Variants in FGGY observed in about 807,000 individuals in gnomAD.
The protein encoded by FGGY is FGGY carbohydrate kinase domain containing.
A neutral mutation model predicts 71.3 loss-of-function variants in FGGY; 72 were observed. That is an observed-to-expected ratio of 1.01 (90% CI 0.84 to 1.23). The LOEUF (loss-of-function observed/expected upper bound fraction) is 1.23. FGGY is among the 50% of genes most tolerant of loss of function. The pLI, the probability that FGGY is intolerant of heterozygous loss-of-function variation, is 0.00. For synonymous variants in FGGY, 251 were observed against 250.3 expected (o/e 1.00, Z -0.02); for missense variants, 668 against 682.3 (o/e 0.98, Z 0.23).
chr1:59,319,903 C>T (rs186986533), intron 1 of FGGY, among the ~76,000 whole-genome samples: 65 of 152,216 alleles, frequency 4.3e-4, no homozygotes, highest in Admixed American at 1.4e-3. Context: ...GGGGCAAGGG[C>T]GATCTTTGCT....
intron 8 of FGGY, among the ~76,000 whole-genome samples, chr1:59,573,235 T>G (rs1399558725): frequency 6.6e-6 from 1 of 152,192 alleles, no homozygotes; most frequent in East Asian, 1.9e-4. Flanking sequence ...GGACATTTAG[T>G]GGATAATAGA....
intron 5 of FGGY, among the ~76,000 whole-genome samples, chr1:59,452,132 T>C (rs2072893012): frequency 6.6e-6 from 1 of 151,864 alleles, no homozygotes; most frequent in South Asian, 2.1e-4. Context: ...AAATCTGTTC[T>C]GGAATTTCTG....
At position 59,443,552 on chromosome 1, in the gene FGGY, T is replaced by G. The variant is rs565247684; in HGVS notation, c.555-13409T>G. On this transcript the variant is annotated intron_variant, in intron 5 of 15. Transcript: ENST00000303721. ...CCGATTATGCACACTTTAGATAACT[T>G]TGGGTCAGCTCAGTACTGAACAAAT... 3.0e-4 allele frequency among the ~76,000 whole-genome samples: 45 copies of G among 152,116 alleles called. 1 individual carries two copies. Among genetic ancestry groups the G allele is most frequent in the Admixed American group, 9.8e-4 (15 of 15,270 alleles).
chr1:59,703,279 G>T (rs1011920816), intron 14 of FGGY, among the ~76,000 whole-genome samples: 1 of 152,138 alleles, frequency 6.6e-6, no homozygotes, highest in East Asian at 1.9e-4. Flanking sequence ...GTGCTGAGGG[G>T]TTTTGTCCAG....
chr1:59,567,789 C>G (rs1279691671), intron 8 of FGGY, among the ~76,000 whole-genome samples: 1 of 151,398 alleles, frequency 6.6e-6, no homozygotes, highest in Non-Finnish European at 1.5e-5. Context: ...CACAGTCAAA[C>G]TGGTCCTGAA....
intron 8 of FGGY, among the ~76,000 whole-genome samples, chr1:59,582,682 C>CCT (rs71582604): frequency 0.16 from 23,939 of 149,668 alleles, 3,455 homozygotes; most frequent in South Asian, 0.31. Context: ...ATGGTACATA[C>CCT]CTGTCATGGT....
chr1:59,463,882 A>G (rs755718439), intron 6 of FGGY, among the ~76,000 whole-genome samples: 5 of 152,200 alleles, frequency 3.3e-5, no homozygotes, highest in Non-Finnish European at 5.9e-5. Context: ...TTAGAGACCT[A>G]CAAAGAGATT....
intron 6 of FGGY, among the ~76,000 whole-genome samples, chr1:59,461,994 A>C (rs2092273541): frequency 2.1e-5 from 3 of 144,946 alleles, no homozygotes; most frequent in Middle Eastern, 3.5e-3. Flanking sequence ...ACCCCACAAC[A>C]GTCCCCAGAG....
chr1:59,503,810 A>G (rs1236056342), intron 6 of FGGY, among the ~76,000 whole-genome samples: 5 of 151,798 alleles, frequency 3.3e-5, no homozygotes, highest in African/African-American at 7.3e-5. Flanking sequence ...TTCCTGGTTA[A>G]CTCCCATAGC....
At position 59,568,457 on chromosome 1, in the gene FGGY, G is replaced by GA. The variant is rs1558381866; in HGVS notation, c.903+14230_903+14231insA. On this transcript the variant is annotated intron_variant, in intron 8 of 15. Coordinates refer to ENST00000303721, the MANE Select transcript of FGGY (RefSeq NM_018291.5). ...GTTACTCCCAGCAAATTCTATGGTCGGGGGGGCGGGGGGGGGTGTTCTTAT... is the reference window on the plus strand; with the variant it reads ...GTTACTCCCAGCAAATTCTATGGTCGAGGGGGGCGGGGGGGGGTGTTCTTAT... 2.3e-5 allele frequency among the ~76,000 whole-genome samples: 3 copies of GA among 133,016 alleles called. No homozygotes were observed. In the East Asian group the frequency reaches 6.6e-4, roughly 29 times the overall value. 87.3% of individuals were successfully genotyped at this position (133,016 alleles called of 152,430 possible). A position where few individuals can be genotyped will look rare whatever the true frequency, so the allele number is the denominator to read the frequency against.
chr1:59,567,067 G>T (rs141350977), intron 8 of FGGY, among the ~76,000 whole-genome samples: 2 of 152,160 alleles, frequency 1.3e-5, no homozygotes, highest in African/African-American at 4.8e-5. Context: ...ATACCAGTTA[G>T]CAACTGTAAA....
intron 5 of FGGY, among the ~76,000 whole-genome samples, chr1:59,443,967 G>A (rs1230466559): frequency 6.6e-6 from 1 of 152,170 alleles, no homozygotes; most frequent in Admixed American, 6.5e-5. Flanking sequence ...GATGGCCAGA[G>A]GCAAAGGCTG....
At chr1:59,706,298 C>T (rs2097757252) in intron 14 of FGGY, among the ~76,000 whole-genome samples, 1 of 152,172 alleles carries the variant, frequency 6.6e-6, no homozygotes, top group South Asian at 2.1e-4. Context: ...CCCAGCTCTG[C>T]CACTCTTTAC....
At chr1:59,376,330 A>G (rs940720574) in intron 4 of FGGY, among the ~76,000 whole-genome samples, 9 of 152,218 alleles carry the variant, frequency 5.9e-5, no homozygotes, top group Non-Finnish European at 4.4e-5. Context: ...TAAAACAACA[A>G]CAGTAACAGA....
At chr1:59,699,560 C>A (rs1174266049) in intron 14 of FGGY, among the ~76,000 whole-genome samples, 2 of 152,014 alleles carry the variant, frequency 1.3e-5, no homozygotes, top group African/African-American at 4.8e-5. Context: ...AAATGGTACC[C>A]TGGGCGAGGT....
At chr1:59,371,841 A>G (rs935953586) in intron 4 of FGGY, among the ~76,000 whole-genome samples, 3 of 152,216 alleles carry the variant, frequency 2.0e-5, no homozygotes, top group African/African-American at 7.2e-5. Flanking sequence ...GCAGAAATAA[A>G]GATGTTCTTT....
At chr1:59,337,903 G>GAAGTGGTAA (rs1220551062) in intron 2 of FGGY, among the ~76,000 whole-genome samples, 1 of 152,184 alleles carries the variant, frequency 6.6e-6, no homozygotes, top group Non-Finnish European at 1.5e-5. Context: ...AGGTTGAATA[G>GAAGTGGTAA]AAGTGGTAAA....
chr1:59,626,062 T>A lies in FGGY; in HGVS notation c.1073+13T>A. On this transcript the variant is annotated intron_variant, in intron 10 of 15. Transcript: ENST00000303721. Reference sequence around the variant, plus strand: ...AGGCCACAGCCAGGTAACTGCTGTCTCTGTTCCCTCTAAAATTTTCCTTGT... The same window carrying A: ...AGGCCACAGCCAGGTAACTGCTGTCACTGTTCCCTCTAAAATTTTCCTTGT... The A allele has an allele frequency of 6.2e-7, 1 of 1,611,154 alleles. No homozygotes were observed. The highest frequency in any genetic ancestry group is 8.5e-7 in the Non-Finnish European group (1 of 1,177,876).
intron 1 of FGGY, among the ~76,000 whole-genome samples, chr1:59,301,576 G>A (rs903989955): frequency 5.3e-5 from 8 of 151,830 alleles, no homozygotes; most frequent in African/African-American, 1.9e-4. Context: ...GATGCTAGTT[G>A]TATATCTTTT....
Sources: allele counts gnomAD v4.1 joint callset (sites outside exome capture counted in the v4.1 genomes callset), GRCh38; gene constraint gnomAD v4.1.1; transcripts MANE v1.5; gene names NCBI Gene and HGNC (gene_info 2026-07-23, HGNC 2026-07-21).